Variants in SART3 observed in about 807,000 individuals in gnomAD.
SART3 encodes HIV-1 Tat-interacting protein of 110kDa.
Under a neutral mutation model 122.3 loss-of-function variants are expected in SART3, and 44 were observed. The ratio of observed to expected loss-of-function variants is 0.36; its 90% CI spans 0.28 to 0.46. SART3 has a LOEUF of 0.46. Ranked by LOEUF, SART3 falls within the 20% of genes least tolerant of loss-of-function variation. The pLI is 1.00. For synonymous variants in SART3, 442 were observed against 454.0 expected (o/e 0.97, Z 0.34); for missense variants, 1,101 against 1,229.0 (o/e 0.90, Z 1.56).
At chr12:108,549,346 AG>A in intron 1 of SART3, 132 bp from the exon 2 acceptor site, 2 of 918,336 alleles carry the variant, frequency 2.2e-6, no homozygotes, top group South Asian at 2.8e-5. Flanking sequence ...CCACTGAAAC[AG>A]CAACCCAGCA....
At chr12:108,534,925 C>T (rs1872837783) in intron 12 of SART3, among the ~76,000 whole-genome samples, 1 of 152,194 alleles carries the variant, frequency 6.6e-6, no homozygotes, top group Middle Eastern at 3.2e-3. Flanking sequence ...AGGCTTGTAA[C>T]ACATGCATGC....
At chr12:108,543,007 A>G in intron 6 of SART3, 21 bp downstream of exon 6, 1 of 1,614,218 alleles carries the variant, frequency 6.2e-7, no homozygotes, top group Non-Finnish European at 8.5e-7. Context: ...GACGTTTACT[A>G]TAAAAGAAGC....
At chr12:108,554,485 A>G (rs1418153952) in intron 1 of SART3, among the ~76,000 whole-genome samples, 1 of 152,026 alleles carries the variant, frequency 6.6e-6, no homozygotes, top group Non-Finnish European at 1.5e-5. Flanking sequence ...CCACCATCAG[A>G]TTTGAGGGAA....
At chr12:108,556,979 C>T (rs940419865) in intron 1 of SART3, among the ~76,000 whole-genome samples, 15 of 143,592 alleles carry the variant, frequency 1.0e-4, no homozygotes, top group South Asian at 6.8e-4. Flanking sequence ...GTATAAAAGT[C>T]GCTAAAGTCA....
rs1284473986 is a variant in SART3, at chr12:108,531,254, C to G, written c.1696G>C (p.Val566Leu). Reference sequence around the variant, plus strand: ...GCTAATCGGGTTTCAGTTTTCTGAACAGCTATATCCCAATCTTCTAAAGAA... The same window carrying G: ...GCTAATCGGGTTTCAGTTTTCTGAAGAGCTATATCCCAATCTTCTAAAGAA... ...EGSLEDWDIA[V>L]QKTETRLARV... Residue 566 changes from valine (V) to leucine (L), a missense_variant, in exon 14 of 19, where the codon GTT becomes CTT. This residue lies in a region of SART3 where 885 missense variants were observed against 1,080.1 expected (regional missense o/e 0.82). Transcript: ENST00000546815. The G allele has an allele frequency of 6.2e-7, 1 of 1,613,872 alleles. No homozygotes were observed. The highest frequency in any genetic ancestry group is 8.5e-7 in the Non-Finnish European group (1 of 1,179,844).
chr12:108,531,768 G>A (rs1276667932), intron 13 of SART3: 2 of 275,144 alleles, frequency 7.3e-6, no homozygotes, highest in Non-Finnish European at 1.4e-5. Flanking sequence ...AGGACACATT[G>A]AGCCATTTGC....
intron 3 of SART3, among the ~76,000 whole-genome samples, chr12:108,546,741 G>A (rs867131753): frequency 6.6e-6 from 1 of 151,828 alleles, no homozygotes; most frequent in Non-Finnish European, 1.5e-5. Flanking sequence ...GGCTGATTTC[G>A]AACTCCTGGG....
At chr12:108,531,326 G>A (rs1288615628) in intron 13 of SART3, 46 bp from the exon 14 acceptor site, 3 of 1,476,720 alleles carry the variant, frequency 2.0e-6, no homozygotes, top group Non-Finnish European at 1.9e-6. Context: ...GGATTTTGAA[G>A]GATACAATCA....
At chr12:108,555,254 A>T (rs1165216023) in intron 1 of SART3, among the ~76,000 whole-genome samples, 1 of 152,254 alleles carries the variant, frequency 6.6e-6, no homozygotes, top group Non-Finnish European at 1.5e-5. Context: ...CAAGCTTTAA[A>T]ATGTAATTTT....
chr12:108,538,096 C>T lies in SART3; in HGVS notation c.1170G>A (p.Glu390=). Residue 390 remains glutamate, a synonymous_variant, in exon 8 of 19, where the codon GAG becomes GAA. Transcript: ENST00000546815. ...ALWSRYLLAM[E]RHGVDHQVIS... is the part of the protein sequence containing the mutation. ...TTACTTGATGATCAACTCCATGTCT[C>T]TCCATGGCCAAGAGGTACCGACTCC... The T allele has an allele frequency of 2.5e-6, 4 of 1,614,190 alleles. No individual in the cohort carries two copies. Among genetic ancestry groups the T allele is most frequent in the Non-Finnish European group, 3.4e-6 (4 of 1,180,026 alleles).
At chr12:108,533,491 C>T (rs1304695657) in intron 12 of SART3, among the ~76,000 whole-genome samples, 1 of 151,634 alleles carries the variant, frequency 6.6e-6, no homozygotes, top group Non-Finnish European at 1.5e-5. Context: ...AGTGACAAAC[C>T]ACGGTCAGTT....
chr12:108,556,885 G>A (rs1255461756), intron 1 of SART3, among the ~76,000 whole-genome samples: 1 of 152,248 alleles, frequency 6.6e-6, no homozygotes, highest in African/African-American at 2.4e-5. Context: ...GAGTGGGAGA[G>A]CACTTGCTAG....
At position 108,526,283 on chromosome 12, in the gene SART3, C is replaced by T. The variant is rs1399722754; in HGVS notation, c.2186G>A (p.Cys729Tyr). The T allele has an allele frequency of 1.9e-6, 3 of 1,614,132 alleles. No homozygotes were observed. The highest frequency in any genetic ancestry group is 2.7e-5 in the African/African-American group (2 of 74,944). ...GGGTCGGATCTGGACCACCTCCCCA[C>T]AGGCCTCGAAGAGTGGCCTGAGCTT... ...DTKLRPLFEA[C>Y]GEVVQIRPIF... Residue 729 changes from cysteine to tyrosine, a missense_variant, in exon 16 of 19, where the codon TGT becomes TAT. Cys to Tyr is a radical substitution (Grantham distance 194, BLOSUM62 -2). Transcript: ENST00000546815.
intron 6 of SART3, among the ~76,000 whole-genome samples, chr12:108,541,214 C>G (rs1041990060): frequency 7.2e-5 from 11 of 151,904 alleles, no homozygotes; most frequent in African/African-American, 2.7e-4. Flanking sequence ...TGAGACCAGC[C>G]TGGCCAACAT....
chr12:108,530,141 CCTT>C lies in SART3; in HGVS notation c.1913_1915del (p.Glu639del), dbSNP rs1300518051. 1.9e-6 allele frequency: 3 copies of C among 1,614,102 alleles called. No homozygotes were observed. Among genetic ancestry groups the C allele is most frequent in the African/African-American group, 1.3e-5 (1 of 75,042 alleles). The stretch of plus-strand genomic sequence containing the variant: ...AACACAATTTCTCAAGAGCTCCTTA[CCTT>C]CTTCATCATCGCCCCACTCTTTCTC... On this transcript the variant is annotated inframe_deletion and splice_region_variant, in exon 15 of 19. Coordinates refer to ENST00000546815, the MANE Select transcript of SART3 (RefSeq NM_014706.4).
intron 1 of SART3, among the ~76,000 whole-genome samples, chr12:108,549,526 C>T (rs1481349862): frequency 6.6e-6 from 1 of 152,188 alleles, no homozygotes; most frequent in Non-Finnish European, 1.5e-5. Context: ...AAGTTATTTA[C>T]TTTCCTAAGC....
chr12:108,560,929 C>G lies in SART3; in HGVS notation c.226G>C (p.Ala76Pro), dbSNP rs750159483. ...DGDEYAMASSAESSPGEYEWE... is the reference protein window; with the variant it reads ...DGDEYAMASSPESSPGEYEWE... Reference sequence around the variant, plus strand: ...TCGTACTCCCCGGGGGAGCTCTCCGCGGAGGAAGCCATGGCGTACTCATCC... The same window carrying G: ...TCGTACTCCCCGGGGGAGCTCTCCGGGGAGGAAGCCATGGCGTACTCATCC... The change falls in exon 1 of 19, where the codon GCG becomes CCG. Residue 76 changes from alanine (A) to proline (P), a missense_variant. Ala to Pro is a conservative substitution (Grantham distance 27). Around this residue, in one of 2 missense-constraint regions of SART3, gnomAD observed 216 missense variants for 148.9 expected, o/e 1.45. Coordinates refer to ENST00000546815, the MANE Select transcript of SART3 (RefSeq NM_014706.4). 5.0e-6 allele frequency: 8 copies of G among 1,613,750 alleles called. No homozygotes were observed. The highest frequency in any genetic ancestry group is 1.6e-4 in the Middle Eastern group (1 of 6,084).
At chr12:108,540,604 GA>G (rs1255151543) in intron 6 of SART3, among the ~76,000 whole-genome samples, 1 of 135,460 alleles carries the variant, frequency 7.4e-6, no homozygotes, top group Non-Finnish European at 1.6e-5. Context: ...AATATAACTA[GA>G]AAAGCTGATT....
At chr12:108,557,206 G>GTTTTTTTTTT (rs71076787) in intron 1 of SART3, among the ~76,000 whole-genome samples, 2 of 82,928 alleles carry the variant, frequency 2.4e-5, no homozygotes, top group Non-Finnish European at 4.2e-5. Context: ...TAATGACATA[G>GTTTTTTTTTT]TTTTTTTTTT....
Sources: gnomAD v4.1 joint callset for allele counts (sites outside exome capture counted in the v4.1 genomes callset) on GRCh38, gnomAD v4.1.1 for gene constraint, gnomAD v4.1.1 regional missense constraint, MANE v1.5 for transcripts, NCBI Gene and HGNC (gene_info 2026-07-23, HGNC 2026-07-21) for gene names.